The following TAFA1 variants were observed in gnomAD, a reference collection of about 807,000 sequenced individuals.
The protein encoded by TAFA1 is chemokine-like protein TAFA-1.
TAFA1 carries 4 observed loss-of-function variants against 18.5 expected under a neutral mutation model. That is an observed-to-expected ratio of 0.22 (90% CI 0.11 to 0.49). The LOEUF is 0.49. Ranked by LOEUF, TAFA1 falls within the 20% of genes least tolerant of loss-of-function variation. The pLI, the probability that TAFA1 is intolerant of heterozygous loss-of-function variation, is 0.98. For synonymous variants in TAFA1, 56 were observed against 55.2 expected (o/e 1.01, Z -0.06); for missense variants, 147 against 169.0 (o/e 0.87, Z 0.72).
intron 2 of TAFA1, among the ~76,000 whole-genome samples, chr3:68,040,769 GA>G (rs1394068339): frequency 1.3e-5 from 2 of 152,122 alleles, no homozygotes; most frequent in East Asian, 3.9e-4. Context: ...AGCCCTTCAG[GA>G]GATTTTGATG....
intron 2 of TAFA1, among the ~76,000 whole-genome samples, chr3:68,127,767 G>A (rs1297017783): frequency 8.5e-6 from 1 of 118,144 alleles, no homozygotes; most frequent in East Asian, 2.5e-4. Flanking sequence ...TGATGCTGAT[G>A]GCAGTGGTGA....
At chr3:68,503,371 T>G (rs532609895) in intron 3 of TAFA1, among the ~76,000 whole-genome samples, 13 of 152,262 alleles carry the variant, frequency 8.5e-5, no homozygotes, top group Admixed American at 3.3e-4. Context: ...AAGGGATACT[T>G]AGCCTGCACT....
chr3:68,126,144 T>C (rs1186073879), intron 2 of TAFA1, among the ~76,000 whole-genome samples: 3 of 152,188 alleles, frequency 2.0e-5, no homozygotes, highest in Admixed American at 6.5e-5. Context: ...AAGTAAGACA[T>C]AAACTGCTCC....
At chr3:68,255,500 C>T (rs1457040612) in intron 2 of TAFA1, among the ~76,000 whole-genome samples, 7 of 151,960 alleles carry the variant, frequency 4.6e-5, no homozygotes, top group Middle Eastern at 6.8e-3. Context: ...ATTTTTCCTT[C>T]GATGTGACAT....
intron 2 of TAFA1, among the ~76,000 whole-genome samples, chr3:68,219,258 C>G (rs759218165): frequency 2.6e-5 from 4 of 152,016 alleles, no homozygotes; most frequent in African/African-American, 4.8e-5. Flanking sequence ...CCCAAAGACA[C>G]TTTTTAAAAG....
At chr3:68,528,833 A>T (rs2073145299) in intron 3 of TAFA1, among the ~76,000 whole-genome samples, 1 of 152,140 alleles carries the variant, frequency 6.6e-6, no homozygotes, top group Non-Finnish European at 1.5e-5. Flanking sequence ...ACTCTCACTT[A>T]GTGAAGAATT....
intron 2 of TAFA1, among the ~76,000 whole-genome samples, chr3:68,080,132 C>A (rs2106771787): frequency 6.6e-6 from 1 of 152,282 alleles, no homozygotes; most frequent in African/African-American, 2.4e-5. Flanking sequence ...ACTAGGATTG[C>A]AACCCCTGCC....
chr3:68,539,174 A>C (rs2073324014), intron 4 of TAFA1, among the ~76,000 whole-genome samples: 1 of 152,218 alleles, frequency 6.6e-6, no homozygotes, highest in Non-Finnish European at 1.5e-5. Context: ...TTCATCCAAC[A>C]TTTATAATGC....
chr3:68,288,784 G>A (rs542978778), intron 2 of TAFA1, among the ~76,000 whole-genome samples: 1 of 152,320 alleles, frequency 6.6e-6, no homozygotes, highest in East Asian at 1.9e-4. Flanking sequence ...ACTGTTTCAT[G>A]ATATGGGAGA....
intron 2 of TAFA1, among the ~76,000 whole-genome samples, chr3:68,165,540 T>C (rs1185713760): frequency 1.3e-5 from 2 of 152,256 alleles, no homozygotes; most frequent in Non-Finnish European, 2.9e-5. Flanking sequence ...TTTGCTCTAC[T>C]CTGCAGATAT....
At chr3:68,336,635 T>A (rs1253305180) in intron 2 of TAFA1, among the ~76,000 whole-genome samples, 1 of 152,238 alleles carries the variant, frequency 6.6e-6, no homozygotes, top group African/African-American at 2.4e-5. Context: ...CAATTATCAT[T>A]GTAGGCTATT....
chr3:68,119,211 C>T (rs980748511), intron 2 of TAFA1, among the ~76,000 whole-genome samples: 3 of 152,010 alleles, frequency 2.0e-5, no homozygotes, highest in African/African-American at 7.2e-5. Flanking sequence ...TTTGCCTAAT[C>T]TTTAATCAAG....
intron 3 of TAFA1, among the ~76,000 whole-genome samples, chr3:68,495,689 A>G (rs1275497593): frequency 6.6e-6 from 1 of 152,166 alleles, no homozygotes; most frequent in African/African-American, 2.4e-5. Context: ...TGAATGATCT[A>G]CAGTCCACAC....
intron 2 of TAFA1, among the ~76,000 whole-genome samples, chr3:68,255,962 A>C (rs1488688649): frequency 6.6e-6 from 1 of 152,110 alleles, no homozygotes; most frequent in African/African-American, 2.4e-5. Flanking sequence ...TTGTTAATCA[A>C]TCTATTTACT....
intron 2 of TAFA1, among the ~76,000 whole-genome samples, chr3:68,262,223 C>G (rs557548421): frequency 4.1e-5 from 6 of 146,576 alleles, no homozygotes; most frequent in Non-Finnish European, 9.0e-5. Context: ...TTATGATTCA[C>G]TAACTAGTGA....
chr3:68,223,701 G>A (rs1262457287), intron 2 of TAFA1, among the ~76,000 whole-genome samples: 1 of 152,084 alleles, frequency 6.6e-6, no homozygotes, highest in East Asian at 1.9e-4. Flanking sequence ...TTGGGATAAG[G>A]AAATTTAGAC....
At chr3:68,150,887 C>T (rs1194211751) in intron 2 of TAFA1, among the ~76,000 whole-genome samples, 1 of 152,100 alleles carries the variant, frequency 6.6e-6, no homozygotes, top group Non-Finnish European at 1.5e-5. Context: ...AGCATTAGCC[C>T]TATGGCTAGC....
intron 3 of TAFA1, among the ~76,000 whole-genome samples, chr3:68,498,323 G>T (rs1511896): frequency 0.2 from 30,174 of 151,960 alleles, 3,068 homozygotes; most frequent in Middle Eastern, 0.24. Context: ...TATGTATTGA[G>T]CCAGGCACTG....
chr3:68,526,792 G>A (rs547129717), intron 3 of TAFA1, among the ~76,000 whole-genome samples: 1 of 152,046 alleles, frequency 6.6e-6, no homozygotes, highest in South Asian at 2.1e-4. Flanking sequence ...AATCATGAGT[G>A]ATAATTTTTT....
Sources: allele counts gnomAD v4.1 joint callset (sites outside exome capture counted in the v4.1 genomes callset), GRCh38; gene constraint gnomAD v4.1.1; transcripts MANE v1.5; gene names NCBI Gene and HGNC (gene_info 2026-07-23, HGNC 2026-07-21).